The following PMFBP1 variants were observed in gnomAD, a reference collection of about 807,000 sequenced individuals.
PMFBP1 encodes the protein polyamine-modulated factor 1-binding protein 1.
In PMFBP1, 131 loss-of-function variants were observed where a neutral mutation model predicts 137.8. That is an observed-to-expected ratio of 0.95 (90% confidence interval 0.82 to 1.10). The LOEUF (loss-of-function observed/expected upper bound fraction) is 1.10. Among genes scored for constraint, PMFBP1 ranks in the 50% least tolerant of loss-of-function variants. The pLI is 0.00. For missense variants in PMFBP1, 1,199 were observed against 1,175.4 expected (o/e 1.02, Z -0.29); for synonymous variants, 490 against 450.4 (o/e 1.09, Z -1.11).
chr16:72,197,993 G>T, the PMFBP1 span, among the ~76,000 whole-genome samples: 1 of 152,128 alleles, frequency 6.6e-6, no homozygotes, highest in East Asian at 1.9e-4. Flanking sequence ...TTCCCTTCTT[G>T]TTGGCAGATG....
rs1290270387 is a variant in PMFBP1, at chr16:72,124,862, C to A, written c.2494G>T (p.Asp832Tyr). The A allele has an allele frequency of 1.2e-6, 2 of 1,614,184 alleles. No individual in the cohort carries two copies. The highest frequency in any genetic ancestry group is 1.7e-5 in the Admixed American group (1 of 60,026). Reference protein sequence around the residue: ...VLQWQKQHQNDLKMLAAKEEQ... With the variant: ...VLQWQKQHQNYLKMLAAKEEQ... ...TCTTTGGCTGCCAGCATCTTGAGGTCATTCTGGTGTTGCTTCTGCCACTGC... is the reference window on the plus strand; with the variant it reads ...TCTTTGGCTGCCAGCATCTTGAGGTAATTCTGGTGTTGCTTCTGCCACTGC... Residue 832 changes from aspartate (D) to tyrosine (Y), a missense_variant, in exon 17 of 21, where the codon GAC becomes TAC. Physicochemically the swap from Asp to Tyr is radical, Grantham distance 160. Coordinates refer to ENST00000237353, the MANE Select transcript of PMFBP1 (RefSeq NM_031293.3).
the PMFBP1 span, among the ~76,000 whole-genome samples, chr16:72,185,020 C>T: frequency 2.1e-4 from 32 of 150,722 alleles, no homozygotes; most frequent in Middle Eastern, 3.5e-3. Flanking sequence ...CATCTGTGTC[C>T]TGTTTTCTTT....
At chr16:72,240,789 G>A in the PMFBP1 span, among the ~76,000 whole-genome samples, 2 of 152,072 alleles carry the variant, frequency 1.3e-5, no homozygotes, top group Non-Finnish European at 2.9e-5. Flanking sequence ...ATCTCTAAGG[G>A]GTCCTTTCCA....
intron 3 of PMFBP1, among the ~76,000 whole-genome samples, chr16:72,159,942 T>A (rs1021962584): frequency 7.9e-5 from 12 of 152,194 alleles, no homozygotes; most frequent in Non-Finnish European, 1.0e-4. Context: ...AAAATGACCA[T>A]CTGGAGTGAG....
the PMFBP1 span, among the ~76,000 whole-genome samples, chr16:72,235,667 T>C: frequency 3.3e-5 from 5 of 152,128 alleles, no homozygotes; most frequent in Non-Finnish European, 7.4e-5. Flanking sequence ...GTCTTTAATT[T>C]CTTTCAAAAT....
At chr16:72,213,926 A>T in the PMFBP1 span, among the ~76,000 whole-genome samples, 1 of 152,218 alleles carries the variant, frequency 6.6e-6, no homozygotes, top group African/African-American at 2.4e-5. Flanking sequence ...AACAGTATTA[A>T]CATAATCATC....
chr16:72,139,413 T>C lies in PMFBP1; in HGVS notation c.808-14A>G, dbSNP rs767462614. On this transcript the variant is annotated splice_polypyrimidine_tract_variant and intron_variant, in intron 6 of 20. Coordinates refer to ENST00000237353, the MANE Select transcript of PMFBP1 (RefSeq NM_031293.3). ...ACGCTCCAGAACCTGCAAATAAGCTTAGATCAGTTATGCTGGATGATCAAT... is the reference window on the plus strand; with the variant it reads ...ACGCTCCAGAACCTGCAAATAAGCTCAGATCAGTTATGCTGGATGATCAAT... The C allele has an allele frequency of 3.8e-6, 6 of 1,582,814 alleles. No individual in the cohort carries two copies. Among genetic ancestry groups the C allele is most frequent in the Non-Finnish European group, 5.2e-6 (6 of 1,152,310 alleles).
chr16:72,200,954 C>T, the PMFBP1 span, among the ~76,000 whole-genome samples: 5 of 152,226 alleles, frequency 3.3e-5, no homozygotes, highest in South Asian at 4.2e-4. Flanking sequence ...GGGACCTGGC[C>T]GTGGGGGGTC....
At chr16:72,130,772 C>A (rs756013545) in intron 10 of PMFBP1, 50 bp from the exon 11 acceptor site, 1 of 1,524,154 alleles carries the variant, frequency 6.6e-7, no homozygotes, top group South Asian at 1.2e-5. Flanking sequence ...GTATGAAGAT[C>A]ACACTCTTAT....
intron 1 of PMFBP1, chr16:72,171,471 T>C (rs1378826609): frequency 2.1e-6 from 1 of 474,272 alleles, no homozygotes; most frequent in Non-Finnish European, 3.8e-6. Context: ...GTTTTACATC[T>C]TTTCCAGAAA....
chr16:72,152,216 T>C (rs748256874), intron 4 of PMFBP1, among the ~76,000 whole-genome samples: 2 of 152,142 alleles, frequency 1.3e-5, no homozygotes, highest in Non-Finnish European at 2.9e-5. Flanking sequence ...AACAAGACAT[T>C]GGGGGAACTT....
Position 72,136,778 on chromosome 16 carries a change from C to G in PMFBP1, c.960G>C (p.Leu320=), listed in dbSNP as rs770047255. The G allele has an allele frequency of 1.2e-6, 2 of 1,614,216 alleles. No individual in the cohort carries two copies. Among genetic ancestry groups the G allele is most frequent in the South Asian group, 2.2e-5 (2 of 91,080 alleles). The part of the protein sequence containing the change: ...HLQEQKDSQC[L]HVEEYQNLVK... Reference sequence around the variant, plus strand: ...CCAGGTTCTGGTACTCCTCCACATGCAGGCACTGGCTGTCTTTCTGCTCCT... The same window carrying G: ...CCAGGTTCTGGTACTCCTCCACATGGAGGCACTGGCTGTCTTTCTGCTCCT... Residue 320 remains leucine, a synonymous_variant, in exon 8 of 21, where the codon CTG becomes CTC. Coordinates refer to ENST00000237353, the MANE Select transcript of PMFBP1 (RefSeq NM_031293.3).
upstream of PMFBP1, among the ~76,000 whole-genome samples, chr16:72,176,105 A>C (rs1316162965): frequency 2.0e-5 from 3 of 152,172 alleles, no homozygotes; most frequent in Non-Finnish European, 2.9e-5. Flanking sequence ...GGTTCTGCAG[A>C]GTAACAGTGA....
chr16:72,213,699 A>G, the PMFBP1 span, among the ~76,000 whole-genome samples: 5 of 152,240 alleles, frequency 3.3e-5, no homozygotes, highest in African/African-American at 1.2e-4. Flanking sequence ...TCATTGTTTT[A>G]AGCTGCAATG....
the PMFBP1 span, among the ~76,000 whole-genome samples, chr16:72,216,081 C>A: frequency 6.6e-6 from 1 of 152,132 alleles, no homozygotes; most frequent in East Asian, 1.9e-4. Context: ...TGGGATATAC[C>A]CCTTCCAGGC....
chr16:72,209,745 G>A, the PMFBP1 span, among the ~76,000 whole-genome samples: 1 of 152,274 alleles, frequency 6.6e-6, no homozygotes, highest in East Asian at 1.9e-4. Flanking sequence ...CCCTCAGGTT[G>A]ACCACACACA....
chr16:72,184,473 T>C, the PMFBP1 span, among the ~76,000 whole-genome samples: 1 of 152,230 alleles, frequency 6.6e-6, no homozygotes, highest in African/African-American at 2.4e-5. Flanking sequence ...ACGTTTATTG[T>C]GTGAGAAGGA....
chr16:72,213,641 A>C, the PMFBP1 span, among the ~76,000 whole-genome samples: 1 of 152,242 alleles, frequency 6.6e-6, no homozygotes, highest in Non-Finnish European at 1.5e-5. Context: ...GGACCCAGCT[A>C]ATCCAAGTCT....
At chr16:72,135,830 C>G (rs1471124118) in intron 9 of PMFBP1, among the ~76,000 whole-genome samples, 2 of 146,256 alleles carry the variant, frequency 1.4e-5, no homozygotes, top group Non-Finnish European at 3.0e-5. Flanking sequence ...ACTGCAACCT[C>G]CACCTCCTGG....
Sources: gnomAD v4.1 joint callset for allele counts (sites outside exome capture counted in the v4.1 genomes callset) on GRCh38, gnomAD v4.1.1 for gene constraint, MANE v1.5 for transcripts, NCBI Gene and HGNC (gene_info 2026-07-23, HGNC 2026-07-21) for gene names.